UTRN: variants seen among roughly 807,000 people sequenced by gnomAD.
UTRN encodes the protein dystrophin-related protein 1.
A neutral mutation model predicts 463.9 loss-of-function variants in UTRN; 283 were observed. The observed-to-expected ratio is 0.61, with a 90% CI of 0.55 to 0.67. The LOEUF is 0.67. Ranked by LOEUF, UTRN falls within the 30% of genes least tolerant of loss-of-function variation. The pLI is 0.00. For synonymous variants in UTRN, 1,442 were observed against 1,431.5 expected (o/e 1.01, Z -0.17); for missense variants, 3,922 against 4,084.3 (o/e 0.96, Z 1.08).
intron 51 of UTRN, among the ~76,000 whole-genome samples, chr6:144,600,608 AG>A (rs1349732394): frequency 1.3e-5 from 2 of 152,252 alleles, no homozygotes. Flanking sequence ...TGAATCTAGA[AG>A]AGGTTGGTTC....
At chr6:144,585,969 T>G (rs1333226938) in intron 51 of UTRN, among the ~76,000 whole-genome samples, 1 of 152,164 alleles carries the variant, frequency 6.6e-6, no homozygotes, top group Non-Finnish European at 1.5e-5. Flanking sequence ...AAATTCATAT[T>G]GGCATTTTGA....
At chr6:144,534,839 T>C (rs1376418570) in intron 43 of UTRN, among the ~76,000 whole-genome samples, 5 of 152,192 alleles carry the variant, frequency 3.3e-5, no homozygotes, top group Admixed American at 3.3e-4. Flanking sequence ...AGCTGAGTTT[T>C]AAAGCATTTA....
chr6:144,586,331 C>A (rs1324926721), intron 51 of UTRN, among the ~76,000 whole-genome samples: 2 of 151,976 alleles, frequency 1.3e-5, no homozygotes, highest in African/African-American at 4.8e-5. Flanking sequence ...GGTTATACAT[C>A]CAATAAAATT....
At chr6:144,780,643 G>A (rs1775744295) in intron 60 of UTRN, among the ~76,000 whole-genome samples, 2 of 151,960 alleles carry the variant, frequency 1.3e-5, no homozygotes, top group Non-Finnish European at 1.5e-5. Flanking sequence ...ACTTAAAATT[G>A]ATTAAATTAA....
intron 31 of UTRN, among the ~76,000 whole-genome samples, chr6:144,490,629 T>G (rs1022052968): frequency 1.3e-5 from 2 of 152,332 alleles, no homozygotes; most frequent in Non-Finnish European, 2.9e-5. Flanking sequence ...CTGAACTATC[T>G]TTTTGAACAT....
intron 24 of UTRN, 64 bp downstream of exon 24, chr6:144,473,897 G>A: frequency 8.7e-7 from 1 of 1,152,874 alleles, no homozygotes; most frequent in Non-Finnish European, 1.3e-6. Context: ...TATGTTATTT[G>A]CTGCTATTAT....
At chr6:144,388,479 A>ATTT (rs1424018683) in intron 2 of UTRN, among the ~76,000 whole-genome samples, 1 of 116,996 alleles carries the variant, frequency 8.5e-6, no homozygotes, top group African/African-American at 4.6e-5. Flanking sequence ...TGCCTGGCTA[A>ATTT]TATTATTTAT....
At chr6:144,577,497 A>G (rs1442070562) in intron 51 of UTRN, among the ~76,000 whole-genome samples, 1 of 152,172 alleles carries the variant, frequency 6.6e-6, no homozygotes, top group East Asian at 1.9e-4. Context: ...ACCTTGTTTT[A>G]TGGAAGTAAT....
chr6:144,839,722 C>G (rs1562971297), intron 72 of UTRN, among the ~76,000 whole-genome samples: 1 of 152,206 alleles, frequency 6.6e-6, no homozygotes, highest in Non-Finnish European at 1.5e-5. Context: ...TCCACTTAGA[C>G]ATTGTCTTGC....
Position 144,459,191 on chromosome 6 carries a change from T to C in UTRN, c.2544T>C (p.Leu848=). 1.2e-6 allele frequency: 2 copies of C among 1,612,292 alleles called. No homozygotes were observed. The highest frequency in any genetic ancestry group is 1.7e-6 in the Non-Finnish European group (2 of 1,179,424). The change falls in exon 21 of 75, where the codon CTT becomes CTC. Residue 848 remains leucine (L), a synonymous_variant. Transcript: ENST00000367545. ...TTCCTTAGCGGGAATTGACAAATCT[T>C]CTTGGCCTTCACCCCAAAATTGAAA... is the stretch of plus-strand genomic sequence containing the variant. ...KDSCQRELTN[L]LGLHPKIEMA...
intron 66 of UTRN, among the ~76,000 whole-genome samples, chr6:144,821,972 A>C (rs28709168): frequency 0.12 from 18,044 of 152,078 alleles, 1,178 homozygotes; most frequent in South Asian, 0.18. Flanking sequence ...GAGAAACTCA[A>C]AAGTGTGAAG....
At chr6:144,623,686 A>G (rs1775665226) in intron 51 of UTRN, among the ~76,000 whole-genome samples, 1 of 152,230 alleles carries the variant, frequency 6.6e-6, no homozygotes, top group East Asian at 1.9e-4. Flanking sequence ...ATTTAATTTT[A>G]ATATTTCTAA....
At chr6:144,383,475 A>C (rs937552912) in intron 2 of UTRN, among the ~76,000 whole-genome samples, 1 of 152,202 alleles carries the variant, frequency 6.6e-6, no homozygotes, top group African/African-American at 2.4e-5. Context: ...CTGCTCAGGG[A>C]AACTGGCAGC....
intron 19 of UTRN, among the ~76,000 whole-genome samples, chr6:144,454,111 C>G (rs1374109135): frequency 6.6e-6 from 1 of 152,066 alleles, no homozygotes; most frequent in African/African-American, 2.4e-5. Context: ...GCTGGATACC[C>G]TGATTAGCAG....
chr6:144,769,315 C>T (rs563252589), intron 58 of UTRN, among the ~76,000 whole-genome samples: 2 of 152,154 alleles, frequency 1.3e-5, no homozygotes, highest in African/African-American at 4.8e-5. Context: ...ACTGCATTGC[C>T]TGTTTTTTTT....
chr6:144,554,924 T>C (rs1379758875), intron 49 of UTRN, 31 bp downstream of exon 49: 1 of 1,608,998 alleles, frequency 6.2e-7, no homozygotes, highest in South Asian at 1.1e-5. Context: ...TTTGGCAGTA[T>C]TGTTTTGTTG....
At chr6:144,668,847 T>A (rs1780696268) in intron 51 of UTRN, among the ~76,000 whole-genome samples, 1 of 152,206 alleles carries the variant, frequency 6.6e-6, no homozygotes. Context: ...CAGAGTCTTA[T>A]AAAGAAAAGC....
Position 144,657,454 on chromosome 6 carries a change from A to G in UTRN, c.7480-20952A>G, listed in dbSNP as rs376259923. On this transcript the variant is annotated intron_variant, in intron 51 of 74. Transcript: ENST00000367545. The stretch of plus-strand genomic sequence containing the variant: ...TTCTACTCTCGAATTCCACAGGAGA[A>G]CATACTCTTGTTCCTTTCTCCTGTC... 1.2e-4 allele frequency among the ~76,000 whole-genome samples: 18 copies of G among 152,276 alleles called. No individual in the cohort carries two copies. In the South Asian group the frequency reaches 3.5e-3, roughly 30 times the overall value.
At chr6:144,453,711 A>G in intron 18 of UTRN, 71 bp from the exon 19 acceptor site, 2 of 1,366,062 alleles carry the variant, frequency 1.5e-6, no homozygotes, top group Non-Finnish European at 2.0e-6. Flanking sequence ...ATTCAACTTA[A>G]ACATTTAAAA....
Sources: allele counts gnomAD v4.1 joint callset (sites outside exome capture counted in the v4.1 genomes callset), GRCh38; gene constraint gnomAD v4.1.1; transcripts MANE v1.5; gene names NCBI Gene and HGNC (gene_info 2026-07-23, HGNC 2026-07-21).